Variants in DSCAM observed in about 807,000 individuals in gnomAD.
DSCAM encodes the protein DS cell adhesion molecule, also known as cell adhesion molecule DSCAM.
Under a neutral mutation model 217.7 loss-of-function variants are expected in DSCAM, and 47 were observed. The observed-to-expected ratio is 0.22, with a 90% confidence interval of 0.17 to 0.28. The LOEUF (loss-of-function observed/expected upper bound fraction) is 0.28, where lower values mean the gene tolerates loss of function less well. Among genes scored for constraint, DSCAM ranks in the 10% least tolerant of loss-of-function variants. DSCAM has a pLI of 1.00. For missense variants in DSCAM, 2,080 were observed against 2,618.3 expected (o/e 0.79, Z 4.49); for synonymous variants, 1,056 against 1,015.3 (o/e 1.04, Z -0.76).
chr21:40,315,884 C>A (rs1237865016), intron 8 of DSCAM, among the ~76,000 whole-genome samples: 1 of 151,856 alleles, frequency 6.6e-6, no homozygotes, highest in East Asian at 1.9e-4. Flanking sequence ...TAGTAAGAAG[C>A]CACAATTGGC....
intron 23 of DSCAM, 138 bp downstream of exon 23, chr21:40,085,464 G>T: frequency 2.8e-6 from 2 of 726,374 alleles, no homozygotes; most frequent in Non-Finnish European, 3.9e-6. Context: ...AAATGAACAT[G>T]TGTTTTCTTT....
chr21:40,600,157 A>C (rs2077051518), intron 3 of DSCAM, among the ~76,000 whole-genome samples: 1 of 152,244 alleles, frequency 6.6e-6, no homozygotes. Flanking sequence ...CAATAAAAAG[A>C]GCAGAAGTTT....
chr21:40,815,907 C>T (rs755521194), intron 1 of DSCAM, among the ~76,000 whole-genome samples: 18 of 152,172 alleles, frequency 1.2e-4, no homozygotes, highest in Non-Finnish European at 2.4e-4. Flanking sequence ...CAGTGCCTGG[C>T]ATTTAGAAAG....
intron 3 of DSCAM, among the ~76,000 whole-genome samples, chr21:40,529,511 G>A (rs1311542571): frequency 6.6e-6 from 1 of 151,990 alleles, no homozygotes; most frequent in Non-Finnish European, 1.5e-5. Flanking sequence ...TAGTTGGTAT[G>A]GAGCAGATCA....
chr21:40,117,001 CAAAAAAAAAAAAA>C (rs534100380), intron 20 of DSCAM, among the ~76,000 whole-genome samples: 3 of 33,178 alleles, frequency 9.0e-5, no homozygotes, highest in East Asian at 1.4e-3. Context: ...GACTCTGTCT[CAAAAAAAAAAAAA>C]AAAAAAAAAA....
At chr21:40,517,404 AACACACACAC>A (rs3070750) in intron 3 of DSCAM, among the ~76,000 whole-genome samples, 8 of 144,678 alleles carry the variant, frequency 5.5e-5, no homozygotes, top group African/African-American at 1.3e-4. Flanking sequence ...ACACACAAGC[AACACACACAC>A]ACACACACAC....
intron 1 of DSCAM, among the ~76,000 whole-genome samples, chr21:40,739,753 C>T (rs2091103329): frequency 6.6e-6 from 1 of 151,482 alleles, no homozygotes; most frequent in Admixed American, 6.6e-5. Flanking sequence ...TTTTAACTTC[C>T]CGAAATCAGT....
intron 11 of DSCAM, among the ~76,000 whole-genome samples, chr21:40,232,592 G>A (rs2091391962): frequency 2.0e-5 from 3 of 152,144 alleles, no homozygotes; most frequent in African/African-American, 7.2e-5. Flanking sequence ...CAGTAGATAA[G>A]TGTCTTCTAC....
At chr21:40,559,147 T>A (rs1336241634) in intron 3 of DSCAM, among the ~76,000 whole-genome samples, 1 of 149,684 alleles carries the variant, frequency 6.7e-6, no homozygotes, top group African/African-American at 2.4e-5. Context: ...AATGAGCACA[T>A]TTGGAAGAAT....
chr21:40,611,457 C>A (rs181016175), intron 3 of DSCAM, among the ~76,000 whole-genome samples: 17 of 152,196 alleles, frequency 1.1e-4, no homozygotes, highest in Admixed American at 1.3e-4. Context: ...ACAATTGATA[C>A]CCTTTGATGT....
At chr21:40,267,046 G>A (rs889821539) in intron 11 of DSCAM, among the ~76,000 whole-genome samples, 1 of 151,476 alleles carries the variant, frequency 6.6e-6, no homozygotes, top group Non-Finnish European at 1.5e-5. Flanking sequence ...TGGGAGGGAG[G>A]TGAGGGATAG....
intron 3 of DSCAM, among the ~76,000 whole-genome samples, chr21:40,685,448 G>A (rs905502605): frequency 2.0e-5 from 3 of 152,166 alleles, no homozygotes; most frequent in Non-Finnish European, 4.4e-5. Context: ...ATACCAGGGT[G>A]CCTACGTGAC....
chr21:40,182,763 G>GGT (rs372224229), intron 14 of DSCAM, among the ~76,000 whole-genome samples: 1 of 2,172 alleles, frequency 4.6e-4, no homozygotes, highest in Non-Finnish European at 1.1e-3. Flanking sequence ...ACGGGGGGGG[G>GGT]TACCAGAGAA....
intron 3 of DSCAM, among the ~76,000 whole-genome samples, chr21:40,673,626 G>A (rs1218642826): frequency 6.6e-6 from 1 of 152,142 alleles, no homozygotes; most frequent in Admixed American, 6.5e-5. Context: ...TTGGAAGTGG[G>A]GCCTGGGGAG....
intron 1 of DSCAM, among the ~76,000 whole-genome samples, chr21:40,713,372 C>A (rs1039899585): frequency 1.3e-4 from 20 of 152,142 alleles, no homozygotes; most frequent in African/African-American, 4.6e-4. Flanking sequence ...TGTTGTGTCA[C>A]AGTTACATTA....
intron 11 of DSCAM, among the ~76,000 whole-genome samples, chr21:40,217,382 T>C (rs980914976): frequency 1.4e-4 from 21 of 152,358 alleles, no homozygotes; most frequent in African/African-American, 5.1e-4. Flanking sequence ...ACTACATATA[T>C]GTATACATAT....
chr21:40,513,459 A>C (rs1325768429), intron 3 of DSCAM, among the ~76,000 whole-genome samples: 1 of 152,184 alleles, frequency 6.6e-6, no homozygotes, highest in Non-Finnish European at 1.5e-5. Context: ...GTTGTACAAG[A>C]AGCATGGCAC....
At chr21:40,105,394 G>A (rs1006245098) in intron 20 of DSCAM, among the ~76,000 whole-genome samples, 6 of 152,152 alleles carry the variant, frequency 3.9e-5, no homozygotes, top group African/African-American at 4.8e-5. Flanking sequence ...CCCATGTGCC[G>A]TGGGAGGGAC....
chr21:40,676,583 A>AT (rs1344713102), intron 3 of DSCAM, among the ~76,000 whole-genome samples: 1 of 152,072 alleles, frequency 6.6e-6, no homozygotes, highest in Non-Finnish European at 1.5e-5. Flanking sequence ...ATTTTTAAAA[A>AT]TTTTTTTACT....
Sources: allele counts gnomAD v4.1 joint callset (sites outside exome capture counted in the v4.1 genomes callset), GRCh38; gene constraint gnomAD v4.1.1; transcripts MANE v1.5; gene names NCBI Gene and HGNC (gene_info 2026-07-23, HGNC 2026-07-21).